POLN: variants seen among roughly 807,000 people sequenced by gnomAD.
The protein encoded by POLN is DNA polymerase nu.
Under a neutral mutation model 113.5 loss-of-function variants are expected in POLN, and 108 were observed. The observed-to-expected ratio is 0.95, with a 90% CI of 0.81 to 1.12. The LOEUF is 1.12. Among genes scored for constraint, POLN ranks in the 50% most tolerant of loss-of-function variants. The pLI, the probability that POLN is intolerant of heterozygous loss-of-function variation, is 0.00. For missense variants in POLN, 1,097 were observed against 1,077.1 expected, an observed-to-expected ratio of 1.02 and a Z score of -0.26; for synonymous variants, 386 against 391.5, an observed-to-expected ratio of 0.99 and a Z score of 0.17.
At chr4:2,214,610 T>C (rs936900747) in intron 3 of POLN, among the ~76,000 whole-genome samples, 11 of 152,100 alleles carry the variant, frequency 7.2e-5, no homozygotes, top group African/African-American at 2.7e-4. Flanking sequence ...AAATTAACTA[T>C]AACTGGAAAC....
chr4:2,184,118 T>C (rs909789942), intron 7 of POLN, among the ~76,000 whole-genome samples: 2 of 151,238 alleles, frequency 1.3e-5, no homozygotes, highest in Non-Finnish European at 2.9e-5. Flanking sequence ...CCTCCCAAAG[T>C]GCTGGGATTA....
intron 16 of POLN, among the ~76,000 whole-genome samples, chr4:2,146,492 A>T (rs1227380379): frequency 6.6e-6 from 1 of 152,228 alleles, no homozygotes; most frequent in Non-Finnish European, 1.5e-5. Context: ...CAACAAGAGC[A>T]AAACTCCATC....
chr4:2,110,623 T>A (rs1731169018), intron 19 of POLN, among the ~76,000 whole-genome samples: 1 of 152,060 alleles, frequency 6.6e-6, no homozygotes. Flanking sequence ...TCTACGCAAA[T>A]AAACCAGAAA....
Position 2,241,773 on chromosome 4 carries a change from C to A in POLN, c.-266G>T, listed in dbSNP as rs371222237. 141 of 985,508 alleles carry A rather than the reference C, an allele frequency of 1.4e-4. No homozygotes were observed. In the African/African-American group the frequency reaches 2.3e-3, roughly 16 times the overall value. The allele number at this position is 985,508 out of a possible 1,614,324, so 61.0% of individuals were successfully genotyped here. A position where few individuals can be genotyped will look rare whatever the true frequency, so the allele number is the denominator to read the frequency against. On this transcript the variant is annotated 5_prime_UTR_variant, in exon 2 of 26. Transcript: ENST00000511885. ...AACCTTCCTTCGGAGGGTCACCCAG[C>A]TGTGACACCTAAGCACGCTGACAAA...
In POLN at chr4:2,174,770, T is replaced by C; in HGVS notation, c.1249-19A>G. On this transcript the variant is annotated intron_variant, in intron 9 of 25. Coordinates refer to ENST00000511885, the MANE Select transcript of POLN (RefSeq NM_181808.4). ...CATAATCCTGTTTAATAGGAAGAAA[T>C]AACATCAACGTCAATTTAAATATTA... 6.5e-7 allele frequency: 1 copy of C among 1,540,236 alleles called. No homozygotes were observed.
At chr4:2,133,730 T>G (rs1392445474) in intron 16 of POLN, among the ~76,000 whole-genome samples, 1 of 152,164 alleles carries the variant, frequency 6.6e-6, no homozygotes, top group Non-Finnish European at 1.5e-5. Flanking sequence ...CAGGTCAGCA[T>G]CTCTTTTCTC....
chr4:2,153,026 A>G (rs1052605975), intron 16 of POLN, among the ~76,000 whole-genome samples: 3 of 152,264 alleles, frequency 2.0e-5, no homozygotes, highest in African/African-American at 7.2e-5. Flanking sequence ...ACAACAGGAC[A>G]TACGTGCATG....
Position 2,072,312 on chromosome 4 carries a change from G to T in POLN, c.2518-13C>A, listed in dbSNP as rs150984531. 6.5e-7 allele frequency: 1 copy of T among 1,539,526 alleles called. No homozygotes were observed. Among genetic ancestry groups the T allele is most frequent in the Non-Finnish European group, 8.7e-7 (1 of 1,146,550 alleles). Reference sequence around the variant, plus strand: ...CCTTGAGGGGTACCTGCAGGTGGCAGCCAGAGGTGAGCCCCACGCCTGGGC... The same window carrying T: ...CCTTGAGGGGTACCTGCAGGTGGCATCCAGAGGTGAGCCCCACGCCTGGGC... On this transcript the variant is annotated splice_polypyrimidine_tract_variant and intron_variant, in intron 25 of 25. Coordinates refer to ENST00000511885, the MANE Select transcript of POLN (RefSeq NM_181808.4).
intron 2 of POLN, 59 bp from the exon 3 acceptor site, chr4:2,229,302 G>C: frequency 7.6e-7 from 1 of 1,314,534 alleles, no homozygotes; most frequent in Non-Finnish European, 1.0e-6. Flanking sequence ...CTATAAAACA[G>C]GAAATACAAT....
intron 16 of POLN, among the ~76,000 whole-genome samples, chr4:2,139,236 C>T (rs1466069050): frequency 1.3e-5 from 2 of 152,202 alleles, no homozygotes; most frequent in African/African-American, 2.4e-5. Flanking sequence ...CAGGGGGAAG[C>T]GTGAGCCTCT....
chr4:2,081,027 G>C lies in POLN; in HGVS notation c.2318C>G (p.Ala773Gly), dbSNP rs371919592. 1.2e-6 allele frequency: 2 copies of C among 1,613,770 alleles called. No homozygotes were observed. Among genetic ancestry groups the C allele is most frequent in the Non-Finnish European group, 1.7e-6 (2 of 1,179,980 alleles). The change falls in exon 23 of 26, where the codon GCT (alanine) becomes GGT (glycine). Residue 773 changes from alanine to glycine, a missense_variant. Transcript: ENST00000511885. ...AVNFVVQGSA[A>G]DLCKLAMIHV... ...GATCATGGCCAGCTTGCAGAGGTCA[G>C]CAGCGGAGCCTATGGGGCGCGTGGT... is the stretch of plus-strand genomic sequence containing the variant.
At chr4:2,146,980 A>G (rs556746) in intron 16 of POLN, among the ~76,000 whole-genome samples, 128,537 of 152,132 alleles carry the variant, frequency 0.84, 55,399 homozygotes, top group Non-Finnish European at 0.94. Context: ...AAAACTAAGG[A>G]GGAGAAAGAC....
rs947072257 is a variant in POLN, at chr4:2,093,329, G to A, written c.2065+2522C>T. Reference sequence around the variant, plus strand: ...CCTACAGAAGCTGCTCAGTCACTTGGAGGCATTTACTGACATGGCACAGAA... The same window carrying A: ...CCTACAGAAGCTGCTCAGTCACTTGAAGGCATTTACTGACATGGCACAGAA... On this transcript the variant is annotated intron_variant, in intron 20 of 25. Transcript: ENST00000511885. The surrounding 1 kb of genome is among the most constrained non-coding windows in gnomAD (Gnocchi z 4.1). 3.3e-5 allele frequency among the ~76,000 whole-genome samples: 5 copies of A among 152,240 alleles called. No homozygotes were observed. Among genetic ancestry groups the A allele is most frequent in the South Asian group, 2.1e-4 (1 of 4,832 alleles).
intron 20 of POLN, among the ~76,000 whole-genome samples, chr4:2,092,493 C>G (rs1199007768): frequency 2.6e-5 from 4 of 152,134 alleles, no homozygotes; most frequent in African/African-American, 9.7e-5. Context: ...GGTCAAGGCT[C>G]CCAGACAGTG....
chr4:2,174,202 G>A (rs1011944802), intron 10 of POLN, among the ~76,000 whole-genome samples, 183 bp from the exon 11 acceptor site: 27 of 152,324 alleles, frequency 1.8e-4, no homozygotes, highest in Middle Eastern at 3.4e-3. Context: ...GCAAATGGGC[G>A]CATTGACAGA....
rs1228776409 is a variant in POLN at position 2,174,755 on chromosome 4, T to C, written c.1249-4A>G. 2.5e-6 allele frequency: 4 copies of C among 1,587,660 alleles called. No homozygotes were observed. The highest frequency in any genetic ancestry group is 2.6e-6 in the Non-Finnish European group (3 of 1,158,692). ...ATAGTTGCCATAAACCATAATCCTG[T>C]TTAATAGGAAGAAATAACATCAACG... On this transcript the variant is annotated splice_region_variant and splice_polypyrimidine_tract_variant and intron_variant, in intron 9 of 25. Coordinates refer to ENST00000511885, the MANE Select transcript of POLN (RefSeq NM_181808.4).
chr4:2,181,749 CAGGCAGATCACGAGGTCAGGAG>C (rs1316384619), intron 7 of POLN, among the ~76,000 whole-genome samples: 9 of 152,048 alleles, frequency 5.9e-5, no homozygotes, highest in Non-Finnish European at 1.0e-4. Flanking sequence ...GAGGCCGAAG[CAGGCAGATCACGAGGTCAGGAG>C]AGGCAGATCA....
At chr4:2,207,919 T>C (rs113090661) in intron 5 of POLN, 68 bp downstream of exon 5, 4 of 1,497,458 alleles carry the variant, frequency 2.7e-6, no homozygotes, top group Admixed American at 4.9e-5. Context: ...TATCAAAATC[T>C]GACACTAAGA....
chr4:2,241,101 G>A, intron 2 of POLN: 2 of 583,404 alleles, frequency 3.4e-6, no homozygotes, highest in Admixed American at 3.6e-5. Context: ...CTCCTAGGGG[G>A]GAAGAAAACA....
Sources: allele counts gnomAD v4.1 joint callset (sites outside exome capture counted in the v4.1 genomes callset), GRCh38; gene constraint gnomAD v4.1.1; non-coding constraint Gnocchi (gnomAD v3.1); transcripts MANE v1.5; gene names NCBI Gene and HGNC (gene_info 2026-07-23, HGNC 2026-07-21).